The following KLRG1 variants were observed in gnomAD, a reference collection of about 807,000 sequenced individuals.
KLRG1 encodes killer cell lectin like receptor G1, also known as killer cell lectin-like receptor subfamily G member 1.
In KLRG1, 16 loss-of-function variants were observed where a neutral mutation model predicts 21.8. That is an observed-to-expected ratio of 0.73 (90% confidence interval 0.50 to 1.11). The LOEUF (loss-of-function observed/expected upper bound fraction) is 1.11. Ranked by LOEUF, KLRG1 falls within the 50% of genes most tolerant of loss-of-function variation. KLRG1 has a pLI of 0.00. For missense variants in KLRG1, 173 were observed against 218.3 expected, an observed-to-expected ratio of 0.79 and a Z score of 1.31; for synonymous variants, 69 against 75.9, an observed-to-expected ratio of 0.91 and a Z score of 0.47.
the KLRG1 span, among the ~76,000 whole-genome samples, chr12:9,147,935 C>G: frequency 6.6e-6 from 1 of 151,806 alleles, no homozygotes; most frequent in African/African-American, 2.4e-5. Flanking sequence ...TTTTTTCTCC[C>G]ACACTACATT....
At chr12:9,178,411 T>C in the KLRG1 span, among the ~76,000 whole-genome samples, 4 of 152,252 alleles carry the variant, frequency 2.6e-5, no homozygotes, top group East Asian at 7.7e-4. Flanking sequence ...TCACCCTTAT[T>C]TTACTTCATC....
At chr12:9,152,065 C>T in the KLRG1 span, among the ~76,000 whole-genome samples, 6 of 152,108 alleles carry the variant, frequency 3.9e-5, no homozygotes, top group Non-Finnish European at 7.3e-5. Flanking sequence ...CCTTAGCTTA[C>T]GGCCAACTAA....
chr12:9,152,935 T>G, the KLRG1 span: 1 of 1,614,034 alleles, frequency 6.2e-7, no homozygotes. Context: ...TGGAAGAATA[T>G]TGTATTTCAT....
chr12:8,973,796 C>A (rs1946611251), intron 1 of KLRG1, among the ~76,000 whole-genome samples: 1 of 152,020 alleles, frequency 6.6e-6, no homozygotes, highest in Non-Finnish European at 1.5e-5. Context: ...GAAATAAATT[C>A]TAAGTATTTT....
At chr12:9,008,757 C>T (rs1045650994) in intron 3 of KLRG1, among the ~76,000 whole-genome samples, 5 of 152,216 alleles carry the variant, frequency 3.3e-5, no homozygotes. Flanking sequence ...TTGCTAAAGG[C>T]TTCACCAGCA....
chr12:9,119,704 G>A, the KLRG1 span, among the ~76,000 whole-genome samples: 1 of 152,190 alleles, frequency 6.6e-6, no homozygotes, highest in South Asian at 2.1e-4. Context: ...GCTTTTTGGA[G>A]TGAGAAGGGA....
At chr12:9,165,057 C>G in the KLRG1 span, 1 of 1,489,636 alleles carries the variant, frequency 6.7e-7, no homozygotes, top group Non-Finnish European at 9.3e-7. Flanking sequence ...TATCCTTAGT[C>G]TCAGGAACAG....
chr12:9,165,140 C>T, the KLRG1 span: 12 of 1,613,240 alleles, frequency 7.4e-6, no homozygotes, highest in South Asian at 1.1e-5. Flanking sequence ...TTTCCTTACC[C>T]GGATGCATTT....
the KLRG1 span, chr12:9,164,284 C>G: frequency 1.2e-6 from 2 of 1,607,678 alleles, no homozygotes; most frequent in South Asian, 2.2e-5. Context: ...GAGGCAGAGA[C>G]AGAAATGATC....
chr12:9,156,193 C>A, the KLRG1 span: 1 of 207,088 alleles, frequency 4.8e-6, no homozygotes, highest in South Asian at 9.0e-5. Flanking sequence ...TTTGTGAAGT[C>A]AGTTCCTGCA....
chr12:8,995,146 G>A lies in KLRG1; in HGVS notation c.215G>A (p.Cys72Tyr). The change falls in exon 3 of 5, where the codon TGT becomes TAT. Residue 72 changes from cysteine to tyrosine, a missense_variant. Physicochemically the swap from Cys to Tyr is radical, Grantham distance 194. Transcript: ENST00000356986. ...TCCAACTACTCCACTTGTGCCAGCT[G>A]TCCTAGCTGCCCAGACCGCTGGATG... ...QGSNYSTCAS[C>Y]PSCPDRWMKY... 2 of 1,610,560 alleles carry A rather than the reference G, an allele frequency of 1.2e-6. No homozygotes were observed. Among genetic ancestry groups the A allele is most frequent in the Non-Finnish European group, 1.7e-6 (2 of 1,178,668 alleles).
chr12:9,184,574 C>T, the KLRG1 span, among the ~76,000 whole-genome samples: 13 of 152,364 alleles, frequency 8.5e-5, no homozygotes, highest in South Asian at 2.1e-3. Flanking sequence ...TACCCCACCA[C>T]GCTGCCACTG....
At chr12:9,142,806 G>A in the KLRG1 span, among the ~76,000 whole-genome samples, 3 of 152,150 alleles carry the variant, frequency 2.0e-5, no homozygotes, top group Admixed American at 6.5e-5. Flanking sequence ...GATTTTGAGA[G>A]GTACTTATTT....
chr12:9,008,528 G>T (rs539104219), intron 3 of KLRG1, among the ~76,000 whole-genome samples: 5 of 152,318 alleles, frequency 3.3e-5, no homozygotes, highest in African/African-American at 1.2e-4. Flanking sequence ...TGGATCGCTT[G>T]AACAACAGAT....
In KLRG1 at chr12:9,009,425, G is replaced by A. The variant is rs762430478; in HGVS notation, c.459-1G>A. 14 of 1,613,562 alleles carry A rather than the reference G, an allele frequency of 8.7e-6. No individual in the cohort carries two copies. The Admixed American group carries it at 1.0e-4, about 12-fold the overall frequency. On this transcript the variant is annotated splice_acceptor_variant, in intron 4 of 4. Coordinates refer to ENST00000356986, the MANE Select transcript of KLRG1 (RefSeq NM_005810.4). LOFTEE classifies it high-confidence loss of function. ...TGATTGACTTTTCTGATTTCTTACA[G>A]GATTTCTTCTAATAGCTTTGTGCAG...
At chr12:9,142,298 T>C in the KLRG1 span, among the ~76,000 whole-genome samples, 49 of 152,310 alleles carry the variant, frequency 3.2e-4, 1 homozygote, top group African/African-American at 1.1e-3. Flanking sequence ...AAACCAATAT[T>C]AATGTTTCAT....
the KLRG1 span, among the ~76,000 whole-genome samples, chr12:9,144,452 C>T: frequency 6.6e-6 from 1 of 152,164 alleles, no homozygotes; most frequent in Non-Finnish European, 1.5e-5. Flanking sequence ...GCTGCCACTG[C>T]CCACTGCTTC....
the KLRG1 span, among the ~76,000 whole-genome samples, chr12:9,030,818 C>T: frequency 2.2e-4 from 33 of 152,210 alleles, no homozygotes. Context: ...CTCCTTGCAA[C>T]TTAGTAGCCT....
At chr12:9,149,613 A>G in the KLRG1 span, 3 of 1,612,504 alleles carry the variant, frequency 1.9e-6, no homozygotes, top group Non-Finnish European at 2.5e-6. Flanking sequence ...CTGAAAGATA[A>G]CGTTGGGTGA....
Sources: allele counts gnomAD v4.1 joint callset (sites outside exome capture counted in the v4.1 genomes callset), GRCh38; gene constraint gnomAD v4.1.1; transcripts MANE v1.5; gene names NCBI Gene and HGNC (gene_info 2026-07-23, HGNC 2026-07-21).